Variants in WDR81 observed in about 807,000 individuals in gnomAD.
WDR81 encodes WD repeat-containing protein 81.
WDR81 carries 92 observed loss-of-function variants against 140.8 expected under a neutral mutation model. That is an observed-to-expected ratio of 0.65 (90% confidence interval 0.55 to 0.78). The LOEUF is 0.78. Ranked by LOEUF, WDR81 falls within the 30% of genes least tolerant of loss-of-function variation. WDR81 has a pLI of 0.00. For missense variants in WDR81, 2,502 were observed against 2,636.4 expected (o/e 0.95, Z 1.12); for synonymous variants, 1,183 against 1,156.4 (o/e 1.02, Z -0.47).
In WDR81 at chr17:1,727,114, ATTC is replaced by A; in HGVS notation, c.2162_2164del (p.Leu721del). The A allele has an allele frequency of 6.5e-7, 1 of 1,547,086 alleles. No homozygotes were observed. The highest frequency in any genetic ancestry group is 1.2e-5 in the South Asian group (1 of 83,952). On this transcript the variant is annotated inframe_deletion, in exon 1 of 10. Coordinates refer to ENST00000409644, the MANE Select transcript of WDR81 (RefSeq NM_001163809.2). ...CCCTGGGGAGGGTGAGGAGGGGAGG[ATTC>A]TTCTTCCCGAGGGCTTCAATCCCAT...
chr17:1,733,038 G>A, intron 6 of WDR81: 1 of 630,762 alleles, frequency 1.6e-6, no homozygotes, highest in Middle Eastern at 4.1e-4. Flanking sequence ...AGGCCCAGAA[G>A]CTGGCCTGTA....
chr17:1,726,760 G>C lies in WDR81; in HGVS notation c.1801G>C (p.Glu601Gln), dbSNP rs1033576036. 1.9e-6 allele frequency: 3 copies of C among 1,547,730 alleles called. No homozygotes were observed. Among genetic ancestry groups the C allele is most frequent in the Admixed American group, 2.0e-5 (1 of 50,962 alleles). ...RLAGAPALAPEPPLIPKLLVQ... is the reference protein window; with the variant it reads ...RLAGAPALAPQPPLIPKLLVQ... ...GGCTGGGGCTCCTGCCCTTGCCCCC[G>C]AGCCTCCCCTCATCCCCAAGCTGTT... Residue 601 changes from glutamate to glutamine, a missense_variant, in exon 1 of 10, where the codon GAG (glutamate) becomes CAG (glutamine). Glu to Gln is a conservative substitution (Grantham distance 29, BLOSUM62 2). Transcript: ENST00000409644.
At position 1,737,714 on chromosome 17, in the gene WDR81, T is replaced by A. The variant is rs560335168; in HGVS notation, c.*29T>A. ...GAGGCAGGAGCTGGCCGGGCAAGGG[T>A]GGGAAGACATCTGCGGGCGCGTGTC... On this transcript the variant is annotated 3_prime_UTR_variant, in exon 10 of 10. Transcript: ENST00000409644. 180 of 1,579,178 alleles carry A rather than the reference T, an allele frequency of 1.1e-4. No individual in the cohort carries two copies. The highest frequency in any genetic ancestry group is 1.5e-4 in the Non-Finnish European group (170 of 1,164,666).
In WDR81 at chr17:1,726,244, G is replaced by A; in HGVS notation, c.1285G>A (p.Ala429Thr). 6.5e-7 allele frequency: 1 copy of A among 1,533,314 alleles called. No homozygotes were observed. Among genetic ancestry groups the A allele is most frequent in the Non-Finnish European group, 8.8e-7 (1 of 1,137,116 alleles). The allele number at this position is 1,533,314 out of a possible 1,614,324, so 95.0% of individuals were successfully genotyped here. The change falls in exon 1 of 10, where the codon GCG (alanine) becomes ACG (threonine). Residue 429 changes from alanine to threonine, a missense_variant. Around this residue, in one of 3 missense-constraint regions of WDR81, gnomAD observed 218 missense variants for 279.6 expected, o/e 0.78. Transcript: ENST00000409644. Reference sequence around the variant, plus strand: ...ACGGCAGGCATTCGTAGCAGGCGGGGCGGGCGGCGGGGAACCCCCTCATGT... The same window carrying A: ...ACGGCAGGCATTCGTAGCAGGCGGGACGGGCGGCGGGGAACCCCCTCATGT... Reference protein sequence around the residue: ...MTRQAFVAGGAGGGEPPHVPH... With the variant: ...MTRQAFVAGGTGGGEPPHVPH...
intron 6 of WDR81, 39 bp from the exon 7 acceptor site, chr17:1,733,488 C>A: frequency 6.7e-7 from 1 of 1,495,854 alleles, no homozygotes; most frequent in South Asian, 1.4e-5. Flanking sequence ...AGCCGCCTGC[C>A]ATCTTCCCTG....
At chr17:1,724,641 C>G (rs1240396433), upstream of WDR81, 4 of 1,020,722 alleles carry the variant, frequency 3.9e-6, no homozygotes, top group Non-Finnish European at 4.7e-6. Context: ...AGCGGGGTCC[C>G]GCCCGGGCCT....
chr17:1,730,862 G>A lies in WDR81; in HGVS notation c.3883G>A (p.Val1295Met), dbSNP rs986860996. Residue 1295 changes from valine (V) to methionine (M), a missense_variant, in exon 3 of 10, where the codon GTG (valine) becomes ATG (methionine). By Grantham distance (21) the Val-to-Met change is conservative. Around this residue, in one of 3 missense-constraint regions of WDR81, gnomAD observed 1,737 missense variants for 1,843.0 expected, o/e 0.94. Coordinates refer to ENST00000409644, the MANE Select transcript of WDR81 (RefSeq NM_001163809.2). ...PVLGDIVSGP[V>M]LSCLLHIARL... ...CCTGGGCGACATCGTGTCAGGGCCT[G>A]TGCTCAGCTGCCTCCTCCACATCGC... is the stretch of plus-strand genomic sequence containing the variant. The A allele has an allele frequency of 1.7e-5, 27 of 1,612,824 alleles. No homozygotes were observed. In the Admixed American group the frequency reaches 4.3e-4, roughly 26 times the overall value.
chr17:1,727,850 A>G lies in WDR81; in HGVS notation c.2891A>G (p.Lys964Arg). ...AAAAATGCCAATAAGTACCTCCTGA[A>G]GCCGCTCATTGGTGCCTACGAGAGC... ...GPKNANKYLLKPLIGAYESPC... is the reference protein window; with the variant it reads ...GPKNANKYLLRPLIGAYESPC... The change falls in exon 1 of 10, where the codon AAG (lysine) becomes AGG (arginine). Residue 964 changes from lysine (K) to arginine (R), a missense_variant. By Grantham distance (26) the Lys-to-Arg change is conservative (BLOSUM62 2). Coordinates refer to ENST00000409644, the MANE Select transcript of WDR81 (RefSeq NM_001163809.2). 6.4e-7 allele frequency: 1 copy of G among 1,550,646 alleles called. No homozygotes were observed. Among genetic ancestry groups the G allele is most frequent in the Non-Finnish European group, 8.7e-7 (1 of 1,147,054 alleles).
At position 1,728,500 on chromosome 17, in the gene WDR81, C is replaced by T; in HGVS notation, c.3541C>T (p.Leu1181Phe). 2.5e-6 allele frequency: 4 copies of T among 1,591,982 alleles called. No individual in the cohort carries two copies. The highest frequency in any genetic ancestry group is 1.1e-5 in the South Asian group (1 of 89,044). The change falls in exon 1 of 10, where the codon CTC becomes TTC. Residue 1181 changes from leucine to phenylalanine, a missense_variant. Coordinates refer to ENST00000409644, the MANE Select transcript of WDR81 (RefSeq NM_001163809.2). ...EQEEVTGASE[L>F]TLSDTVLSME... ...GGAGGAGGTCACCGGGGCATCTGAG[C>T]TCACTCTGTCTGACACGGTGCTGTC...
rs549804944 is a variant in WDR81 at position 1,732,467 on chromosome 17, C to T, written c.4300C>T (p.Gln1434Ter). ...GGCCACCTTTTTCCAGGTCTTCTCT[C>T]AGCTGCATGAGCTTCGGCAACAGGT... ...PVATFFQVFS[Q>*]LHELRQQDLK... Residue 1434 changes from glutamine (Q) to a stop codon, truncating the protein, a stop_gained, in exon 5 of 10, where the codon CAG becomes TAG. Transcript: ENST00000409644. LOFTEE classifies it high-confidence loss of function. 2.5e-6 allele frequency: 4 copies of T among 1,613,382 alleles called. No homozygotes were observed. Among genetic ancestry groups the T allele is most frequent in the Admixed American group, 1.7e-5 (1 of 60,002 alleles).
chr17:1,723,817 G>C (rs1915030852), upstream of WDR81, among the ~76,000 whole-genome samples: 1 of 152,098 alleles, frequency 6.6e-6, no homozygotes, highest in South Asian at 2.1e-4. Flanking sequence ...TGAGAGGGCT[G>C]TCAGGAGGCA....
chr17:1,727,821 C>T lies in WDR81; in HGVS notation c.2862C>T (p.Gly954=). The T allele has an allele frequency of 6.4e-7, 1 of 1,550,642 alleles. No homozygotes were observed. The highest frequency in any genetic ancestry group is 8.7e-7 in the Non-Finnish European group (1 of 1,147,030). The change falls in exon 1 of 10, where the codon GGC becomes GGT. Residue 954 remains glycine (G), a synonymous_variant. Coordinates refer to ENST00000409644, the MANE Select transcript of WDR81 (RefSeq NM_001163809.2). ...TTGAGCCTGTTGCCAAGGCACTGGG[C>T]CCCAAAAATGCCAATAAGTACCTCC... ...YLFEPVAKAL[G]PKNANKYLLK...
rs1915115861 is a variant in WDR81 at position 1,724,879 on chromosome 17, C to T, written c.-81C>T. ...TGTCCCGCGCCCATCCCAGCCCCGCCGGCCTGGCACCCCGGAAGCCGTCGC... is the reference window on the plus strand; with the variant it reads ...TGTCCCGCGCCCATCCCAGCCCCGCTGGCCTGGCACCCCGGAAGCCGTCGC... On this transcript the variant is annotated 5_prime_UTR_variant, in exon 1 of 10. Transcript: ENST00000409644. The T allele has an allele frequency of 3.2e-6, 4 of 1,268,394 alleles. No homozygotes were observed. The South Asian group carries it at 8.9e-5, about 28-fold the overall frequency. 78.6% of individuals were successfully genotyped at this position (1,268,394 alleles called of 1,614,324 possible).
intron 1 of WDR81, among the ~76,000 whole-genome samples, chr17:1,729,547 G>C (rs1219658924): frequency 2.6e-5 from 4 of 152,166 alleles, no homozygotes; most frequent in Non-Finnish European, 5.9e-5. Context: ...TCCTTAAAAG[G>C]AGAGACAGTT....
chr17:1,728,769 A>C (rs546686010), intron 1 of WDR81, 143 bp downstream of exon 1: 407 of 1,135,686 alleles, frequency 3.6e-4, no homozygotes, highest in Non-Finnish European at 4.5e-4. Flanking sequence ...CCTAATAACA[A>C]GGTGAAACCC....
In WDR81 at chr17:1,724,860, G is replaced by T; in HGVS notation, c.-100G>T. 1 of 1,240,902 alleles carries T rather than the reference G, an allele frequency of 8.1e-7. No homozygotes were observed. The highest frequency in any genetic ancestry group is 3.5e-5 in the South Asian group (1 of 28,296). The allele number at this position is 1,240,902 out of a possible 1,614,324, so 76.9% of individuals were successfully genotyped here. On this transcript the variant is annotated 5_prime_UTR_variant, in exon 1 of 10. Transcript: ENST00000409644. ...CCGCCTCCGCCCCAGCCCCTGTCCC[G>T]CGCCCATCCCAGCCCCGCCGGCCTG...
At chr17:1,718,144 G>A (rs976754376) in intron 1 of WDR81, among the ~76,000 whole-genome samples, 4 of 151,478 alleles carry the variant, frequency 2.6e-5, no homozygotes. Context: ...TTGAGACAGA[G>A]TCTCGCTCTG....
At position 1,737,671 on chromosome 17, in the gene WDR81, C is replaced by T. The variant is rs756853082; in HGVS notation, c.5812C>T (p.Arg1938Cys). The stretch of plus-strand genomic sequence containing the variant: ...GCTGGGCTCAGACAACGGGGTTATC[C>T]GCCTCCTGGCATAGACTGAGGCAGG... Reference protein sequence around the residue: ...LLLGSDNGVIRLLA With the variant: ...LLLGSDNGVICLLA The change falls in exon 10 of 10, where the codon CGC becomes TGC. Residue 1938 changes from arginine (R) to cysteine (C), a missense_variant. Coordinates refer to ENST00000409644, the MANE Select transcript of WDR81 (RefSeq NM_001163809.2). 1.5e-5 allele frequency: 24 copies of T among 1,609,554 alleles called. No homozygotes were observed. Among genetic ancestry groups the T allele is most frequent in the African/African-American group, 5.3e-5 (4 of 74,938 alleles).
At chr17:1,730,279 G>T in intron 1 of WDR81, 101 bp from the exon 2 acceptor site, 1 of 977,556 alleles carries the variant, frequency 1.0e-6, no homozygotes, top group Non-Finnish European at 1.5e-6. Flanking sequence ...TCTTGGCAGA[G>T]CTGCAGCCGC....
Sources: allele counts gnomAD v4.1 joint callset (sites outside exome capture counted in the v4.1 genomes callset), GRCh38; gene constraint gnomAD v4.1.1; regional missense constraint gnomAD v4.1.1; transcripts MANE v1.5; gene names NCBI Gene and HGNC (gene_info 2026-07-23, HGNC 2026-07-21).